PLCE1: variants seen among roughly 807,000 people sequenced by gnomAD.
PLCE1 encodes the protein phospholipase C epsilon 1, also known as 1-phosphatidylinositol 4,5-bisphosphate phosphodiesterase epsilon-1.
A neutral mutation model predicts 242.8 loss-of-function variants in PLCE1; 119 were observed. That is an observed-to-expected ratio of 0.49 (90% CI 0.42 to 0.57). The LOEUF (loss-of-function observed/expected upper bound fraction) is 0.57, where lower values mean the gene tolerates loss of function less well. Ranked by LOEUF, PLCE1 falls within the 20% of genes least tolerant of loss-of-function variation. The pLI is 0.00. For missense variants in PLCE1, 2,441 were observed against 2,788.8 expected (o/e 0.88, Z 2.81); for synonymous variants, 945 against 1,017.4 (o/e 0.93, Z 1.35).
At chr10:94,207,011 T>G (rs17109851) in intron 4 of PLCE1, among the ~76,000 whole-genome samples, 3,473 of 152,368 alleles carry the variant, frequency 0.023, 105 homozygotes, top group African/African-American at 0.072. Context: ...CAAATTTACT[T>G]TCACTTTCAT....
Position 94,043,601 on chromosome 10 carries a change from G to A in PLCE1, c.1206+11349G>A, listed in dbSNP as rs943102092. Reference sequence around the variant, plus strand: ...ATAGCTTCATTTTTTCCAGATTTTTGTACCCTTCCATCAGATAGTAACTCC... The same window carrying A: ...ATAGCTTCATTTTTTCCAGATTTTTATACCCTTCCATCAGATAGTAACTCC... On this transcript the variant is annotated intron_variant, in intron 2 of 32. Transcript: ENST00000371380. Among the ~76,000 whole-genome samples, 4 of 152,094 alleles carry A rather than the reference G, an allele frequency of 2.6e-5. No homozygotes were observed. The East Asian group carries it at 7.7e-4, about 29-fold the overall frequency.
At chr10:94,110,273 AG>A (rs756802229) in intron 2 of PLCE1, among the ~76,000 whole-genome samples, 10 of 151,928 alleles carry the variant, frequency 6.6e-5, no homozygotes, top group East Asian at 3.9e-4. Flanking sequence ...CGTGTTAGCC[AG>A]GATGGTCTCG....
chr10:94,045,187 A>G (rs1005029107), intron 2 of PLCE1, among the ~76,000 whole-genome samples: 8 of 151,978 alleles, frequency 5.3e-5, no homozygotes, highest in African/African-American at 1.2e-4. Flanking sequence ...TTTTTTTTGT[A>G]GAGACTGGGT....
chr10:94,057,560 T>C (rs2043941197), intron 2 of PLCE1, among the ~76,000 whole-genome samples: 1 of 152,232 alleles, frequency 6.6e-6, no homozygotes. Context: ...TTTAATATCC[T>C]TGATACTTTG....
At chr10:94,101,332 A>G (rs1365020512) in intron 2 of PLCE1, among the ~76,000 whole-genome samples, 1 of 151,762 alleles carries the variant, frequency 6.6e-6, no homozygotes, top group Non-Finnish European at 1.5e-5. Flanking sequence ...AAAGCTGAGG[A>G]AAAAAAAATA....
intron 24 of PLCE1, among the ~76,000 whole-genome samples, chr10:94,300,867 C>A (rs2053009500): frequency 6.6e-6 from 1 of 152,044 alleles, no homozygotes; most frequent in South Asian, 2.1e-4. Context: ...TCGAGACCAG[C>A]CTGTCCAGCA....
At position 94,306,571 on chromosome 10, in the gene PLCE1, C is replaced by G. The variant is rs748133025; in HGVS notation, c.5767C>G (p.Gln1923Glu). The G allele has an allele frequency of 1.2e-6, 2 of 1,614,078 alleles. No individual in the cohort carries two copies. Among genetic ancestry groups the G allele is most frequent in the South Asian group, 2.2e-5 (2 of 91,076 alleles). The change falls in exon 26 of 33, where the codon CAG becomes GAG. Residue 1923 changes from glutamine to glutamate, a missense_variant. By Grantham distance (29) the Gln-to-Glu change is conservative (BLOSUM62 2). This residue lies in a region of PLCE1 where 1,004 missense variants were observed against 1,322.7 expected (regional missense o/e 0.76). Coordinates refer to ENST00000371380, the MANE Select transcript of PLCE1 (RefSeq NM_016341.4). This position sits in a 1 kb window ranked among gnomAD's most constrained non-coding sequence, Gnocchi z 5.7. Reference sequence around the variant, plus strand: ...CACCCTGAACCCCATGTGGAACGAGCAGTTTCTGTTCCACGTTCACTTCGA... The same window carrying G: ...CACCCTGAACCCCATGTGGAACGAGGAGTTTCTGTTCCACGTTCACTTCGA... ...RNTLNPMWNE[Q>E]FLFHVHFEDL...
At chr10:94,069,069 T>C (rs748966587) in intron 2 of PLCE1, among the ~76,000 whole-genome samples, 8 of 152,248 alleles carry the variant, frequency 5.3e-5, no homozygotes, top group Non-Finnish European at 1.0e-4. Flanking sequence ...TCCTTCTTTA[T>C]GGTTGAGAAG....
intron 2 of PLCE1, among the ~76,000 whole-genome samples, chr10:94,083,386 T>G (rs943711242): frequency 2.0e-5 from 3 of 152,166 alleles, no homozygotes; most frequent in Non-Finnish European, 4.4e-5. Flanking sequence ...ATCAGCCCAT[T>G]TTTTTGGGGC....
chr10:94,153,394 C>A (rs557391641), intron 3 of PLCE1, among the ~76,000 whole-genome samples: 36 of 151,978 alleles, frequency 2.4e-4, no homozygotes, highest in African/African-American at 8.4e-4. Context: ...AAACACTCAA[C>A]AAAATAGGAA....
chr10:94,125,590 T>A (rs1178499192), intron 2 of PLCE1, among the ~76,000 whole-genome samples: 1 of 152,154 alleles, frequency 6.6e-6, no homozygotes, highest in Non-Finnish European at 1.5e-5. Context: ...TTCATAGAGC[T>A]GTTCTGCGGT....
intron 2 of PLCE1, among the ~76,000 whole-genome samples, chr10:94,051,283 A>G (rs953117774): frequency 4.3e-5 from 6 of 138,738 alleles, no homozygotes; most frequent in Non-Finnish European, 6.1e-5. Flanking sequence ...CGAGACTCCA[A>G]CTCAAAAAAA....
chr10:94,079,123 G>GA (rs1210212077), intron 2 of PLCE1, among the ~76,000 whole-genome samples: 1 of 151,736 alleles, frequency 6.6e-6, no homozygotes, highest in Non-Finnish European at 1.5e-5. Flanking sequence ...AAATTTTTGA[G>GA]AAAAAAAATA....
At chr10:94,281,992 G>A (rs1014022967) in intron 20 of PLCE1, among the ~76,000 whole-genome samples, 4 of 151,352 alleles carry the variant, frequency 2.6e-5, no homozygotes, top group Non-Finnish European at 5.9e-5. Context: ...GGCCTAAAAG[G>A]TTTCCTAGCT....
At chr10:94,001,118 A>G (rs2060922955) in intron 1 of PLCE1, among the ~76,000 whole-genome samples, 1 of 152,238 alleles carries the variant, frequency 6.6e-6, no homozygotes, top group Non-Finnish European at 1.5e-5. Context: ...CAGTGAGTAC[A>G]GGGCTACTTG....
In PLCE1 at chr10:94,316,659, G is replaced by C; in HGVS notation, c.6245G>C (p.Arg2082Thr). The change falls in exon 29 of 33, where the codon AGA (arginine) becomes ACA (threonine). Residue 2082 changes from arginine (R) to threonine (T), a missense_variant. By Grantham distance (71) the Arg-to-Thr change is moderately conservative (BLOSUM62 -1). Around this residue, in one of 5 missense-constraint regions of PLCE1, gnomAD observed 310 missense variants for 317.2 expected, o/e 0.98. Transcript: ENST00000371380. ...KNECRKQPFQ[R>T]AIGPEEEIMQ... The stretch of plus-strand genomic sequence containing the variant: ...GAATGTAGGAAACAACCATTCCAGA[G>C]AGCCATTGGTCCAGAAGAGGAGATC... The C allele has an allele frequency of 6.2e-7, 1 of 1,613,284 alleles. No individual in the cohort carries two copies. Among genetic ancestry groups the C allele is most frequent in the African/African-American group, 1.3e-5 (1 of 75,028 alleles).
At chr10:94,126,526 G>A (rs1304702512) in intron 2 of PLCE1, among the ~76,000 whole-genome samples, 1 of 152,230 alleles carries the variant, frequency 6.6e-6, no homozygotes, top group Non-Finnish European at 1.5e-5. Context: ...GCTTAGCACA[G>A]TGTATGTGCT....
chr10:94,002,244 C>T (rs1338226125), intron 1 of PLCE1, among the ~76,000 whole-genome samples: 1 of 152,216 alleles, frequency 6.6e-6, no homozygotes, highest in Non-Finnish European at 1.5e-5. Context: ...GCAACACAGA[C>T]ATCAGGCAAC....
At chr10:94,252,526 T>C (rs768916799) in intron 9 of PLCE1, 28 bp downstream of exon 9, 43 of 1,580,410 alleles carry the variant, frequency 2.7e-5, no homozygotes, top group Non-Finnish European at 3.6e-5. Context: ...TATTAAGCAT[T>C]AAACCCATCT....
Sources: allele counts gnomAD v4.1 joint callset (sites outside exome capture counted in the v4.1 genomes callset), GRCh38; gene constraint gnomAD v4.1.1; regional missense constraint gnomAD v4.1.1; non-coding constraint Gnocchi (gnomAD v3.1); transcripts MANE v1.5; gene names NCBI Gene and HGNC (gene_info 2026-07-23, HGNC 2026-07-21).